VIT: variants seen among roughly 807,000 people sequenced by gnomAD.
VIT encodes the protein vitrin.
A neutral mutation model predicts 78.0 loss-of-function variants in VIT; 99 were observed. The observed-to-expected ratio is 1.27, with a 90% CI of 1.08 to 1.50. VIT has a LOEUF of 1.50. VIT is among the 40% of genes most tolerant of loss of function. VIT has a pLI of 0.00. For synonymous variants in VIT, 374 were observed against 334.3 expected (o/e 1.12, Z -1.29); for missense variants, 1,126 against 875.3 (o/e 1.29, Z -3.61).
intron 3 of VIT, among the ~76,000 whole-genome samples, chr2:36,729,757 T>C (rs1667080395): frequency 6.6e-6 from 1 of 152,194 alleles, no homozygotes; most frequent in South Asian, 2.1e-4. Context: ...CAGGCAACAG[T>C]ATGTCTCTAT....
At chr2:36,734,083 C>A (rs1228531368) in intron 3 of VIT, among the ~76,000 whole-genome samples, 1 of 152,196 alleles carries the variant, frequency 6.6e-6, no homozygotes. Flanking sequence ...TCGTCTCACC[C>A]AGCCCAGACA....
At chr2:36,756,945 A>G (rs768912672) in intron 5 of VIT, among the ~76,000 whole-genome samples, 113 of 152,326 alleles carry the variant, frequency 7.4e-4, no homozygotes, top group Middle Eastern at 6.8e-3. Context: ...GTGAAAATCA[A>G]TCTGCTGATA....
chr2:36,720,082 C>G lies in VIT; in HGVS notation c.52+3660C>G, dbSNP rs116186285. On this transcript the variant is annotated intron_variant, in intron 2 of 15. Transcript: ENST00000379242. ...CAAGCTACAGATTCTTCAGTGCAAT[C>G]CTCAGTGCAATCCCTATTGAAATTC... 5.0e-3 allele frequency among the ~76,000 whole-genome samples: 767 copies of G among 152,310 alleles called. 8 individuals are homozygous for G. The highest frequency in any genetic ancestry group is 0.018 in the African/African-American group (742 of 41,558).
chr2:36,800,339 C>T (rs1053577128), intron 12 of VIT, among the ~76,000 whole-genome samples: 2 of 151,918 alleles, frequency 1.3e-5, no homozygotes, highest in East Asian at 1.9e-4. Flanking sequence ...AGTGAGACTC[C>T]GTGTTAAAAA....
At chr2:36,753,478 AG>A (rs752096759) in intron 4 of VIT, among the ~76,000 whole-genome samples, 3 of 152,226 alleles carry the variant, frequency 2.0e-5, no homozygotes, top group Non-Finnish European at 4.4e-5. Context: ...CATTTTGTTG[AG>A]AGACAAAATA....
intron 3 of VIT, among the ~76,000 whole-genome samples, chr2:36,730,203 A>T (rs1667107549): frequency 6.6e-6 from 1 of 151,832 alleles, no homozygotes; most frequent in Non-Finnish European, 1.5e-5. Flanking sequence ...CACGAGAATC[A>T]CTTGAACCTG....
rs1429521016 is a variant in VIT, at chr2:36,767,708, T to C, written c.679+423T>C. Among the ~76,000 whole-genome samples, 5 of 152,336 alleles carry C rather than the reference T, an allele frequency of 3.3e-5. No homozygotes were observed. The East Asian group carries it at 5.8e-4, about 18-fold the overall frequency. ...GCTAATGTTTTTGTTCCTTTTCTGATGGTTTTTTGTCTTACTACTTTTACC... is the reference window on the plus strand; with the variant it reads ...GCTAATGTTTTTGTTCCTTTTCTGACGGTTTTTTGTCTTACTACTTTTACC... On this transcript the variant is annotated intron_variant, in intron 7 of 15. Transcript: ENST00000379242.
chr2:36,789,909 G>A (rs1041052542), intron 12 of VIT, among the ~76,000 whole-genome samples: 12 of 152,170 alleles, frequency 7.9e-5, no homozygotes, highest in African/African-American at 1.2e-4. Flanking sequence ...GGAGGACTCC[G>A]GAGCTCAGAA....
chr2:36,788,921 G>A (rs192002572), intron 12 of VIT, among the ~76,000 whole-genome samples: 1 of 152,242 alleles, frequency 6.6e-6, no homozygotes, highest in East Asian at 1.9e-4. Flanking sequence ...AAATGTTGCA[G>A]GGAAGGAAGA....
intron 12 of VIT, among the ~76,000 whole-genome samples, chr2:36,787,491 CACTTGTA>C (rs1665185376): frequency 6.6e-6 from 1 of 152,238 alleles, no homozygotes; most frequent in Admixed American, 6.5e-5. Context: ...GATTAAAAAA[CACTTGTA>C]AGTAGATGGC....
At chr2:36,707,609 G>C (rs1665512408) in intron 1 of VIT, among the ~76,000 whole-genome samples, 1 of 152,158 alleles carries the variant, frequency 6.6e-6, no homozygotes, top group Non-Finnish European at 1.5e-5. Flanking sequence ...GCTGTGGATG[G>C]ACCCGCTTCC....
intron 10 of VIT, among the ~76,000 whole-genome samples, chr2:36,782,563 A>G (rs1038387417): frequency 9.9e-5 from 15 of 152,218 alleles, no homozygotes; most frequent in Non-Finnish European, 2.1e-4. Flanking sequence ...GGGGAGACTC[A>G]CTTCCAGTGC....
chr2:36,803,429 A>C (rs533254828), intron 13 of VIT, among the ~76,000 whole-genome samples: 4 of 152,312 alleles, frequency 2.6e-5, no homozygotes, highest in African/African-American at 9.6e-5. Flanking sequence ...TGTGTTGAGC[A>C]CTATACACCA....
chr2:36,787,039 G>C, intron 11 of VIT, 90 bp from the exon 12 acceptor site: 1 of 1,493,428 alleles, frequency 6.7e-7, no homozygotes, highest in Non-Finnish European at 9.2e-7. Context: ...ATTTCTCAGG[G>C]GGCTCTGATG....
intron 1 of VIT, among the ~76,000 whole-genome samples, chr2:36,712,829 C>T (rs1440708194): frequency 2.6e-5 from 4 of 152,262 alleles, no homozygotes; most frequent in South Asian, 2.1e-4. Context: ...AGCGAGACTC[C>T]GTCTCAATCA....
At chr2:36,713,476 A>T (rs1397819152) in intron 1 of VIT, among the ~76,000 whole-genome samples, 2 of 152,186 alleles carry the variant, frequency 1.3e-5, no homozygotes, top group Non-Finnish European at 2.9e-5. Context: ...TCTGAGTAAG[A>T]CGGGGAGCCA....
chr2:36,700,661 G>C (rs529957782), intron 1 of VIT, among the ~76,000 whole-genome samples: 8 of 152,196 alleles, frequency 5.3e-5, no homozygotes, highest in South Asian at 2.1e-4. Context: ...AAGATAACTT[G>C]AGCCCAGGCA....
intron 11 of VIT, 114 bp downstream of exon 11, chr2:36,783,516 A>G: frequency 9.9e-7 from 1 of 1,007,642 alleles, no homozygotes; most frequent in Non-Finnish European, 1.5e-6. Flanking sequence ...GGATCTATTT[A>G]TCTCCTCTCT....
intron 9 of VIT, among the ~76,000 whole-genome samples, chr2:36,780,663 ACTGT>A (rs887613059): frequency 2.0e-5 from 3 of 152,162 alleles, no homozygotes; most frequent in African/African-American, 7.2e-5. Flanking sequence ...GCCTTTCAAA[ACTGT>A]CTGGCATCTT....
Sources: allele counts gnomAD v4.1 joint callset (sites outside exome capture counted in the v4.1 genomes callset), GRCh38; gene constraint gnomAD v4.1.1; transcripts MANE v1.5; gene names NCBI Gene and HGNC (gene_info 2026-07-23, HGNC 2026-07-21).